Variants in ADAMTS19 observed in about 807,000 individuals in gnomAD.
ADAMTS19 encodes A disintegrin and metalloproteinase with thrombospondin motifs 19.
A neutral mutation model predicts 153.3 loss-of-function variants in ADAMTS19; 93 were observed. The observed-to-expected ratio is 0.61, with a 90% CI of 0.51 to 0.72. The LOEUF is 0.72. Among genes scored for constraint, ADAMTS19 ranks in the 30% least tolerant of loss-of-function variants. The probability of loss-of-function intolerance (pLI) is 0.00; values close to 1 mark genes in which losing one functional copy is unlikely to be tolerated. For synonymous variants in ADAMTS19, 600 were observed against 556.6 expected (o/e 1.08, Z -1.10); for missense variants, 1,482 against 1,552.1 (o/e 0.95, Z 0.76).
At chr5:129,649,686 G>A (rs969034463) in intron 13 of ADAMTS19, among the ~76,000 whole-genome samples, 2 of 152,170 alleles carry the variant, frequency 1.3e-5, no homozygotes, top group African/African-American at 4.8e-5. Context: ...GTGATAAAAT[G>A]GCGTACAGCT....
At chr5:129,495,004 T>C (rs1203588854) in intron 2 of ADAMTS19, among the ~76,000 whole-genome samples, 2 of 152,184 alleles carry the variant, frequency 1.3e-5, no homozygotes, top group East Asian at 1.9e-4. Flanking sequence ...AGAAAGATAA[T>C]TGGCTTTGGG....
At chr5:129,579,848 A>G (rs1581107776) in intron 7 of ADAMTS19, among the ~76,000 whole-genome samples, 1 of 152,118 alleles carries the variant, frequency 6.6e-6, no homozygotes. Flanking sequence ...GCCTTCTAGT[A>G]TAGTTTGAAG....
chr5:129,605,996 A>T (rs185441366), intron 8 of ADAMTS19, among the ~76,000 whole-genome samples: 1 of 152,172 alleles, frequency 6.6e-6, no homozygotes, highest in African/African-American at 2.4e-5. Flanking sequence ...TGAACCAGAG[A>T]AAAAGGTCTA....
chr5:129,518,364 C>T (rs1751683114), intron 3 of ADAMTS19, among the ~76,000 whole-genome samples: 1 of 152,034 alleles, frequency 6.6e-6, no homozygotes, highest in Admixed American at 6.6e-5. Context: ...CCTCCTTAAG[C>T]ATTTTTTGTA....
At chr5:129,580,327 G>C (rs935754752) in intron 7 of ADAMTS19, among the ~76,000 whole-genome samples, 1 of 152,186 alleles carries the variant, frequency 6.6e-6, no homozygotes, top group Non-Finnish European at 1.5e-5. Context: ...ACCTTAAGGA[G>C]ATTTTGGGCT....
intron 2 of ADAMTS19, among the ~76,000 whole-genome samples, chr5:129,505,762 C>T (rs938226422): frequency 1.3e-5 from 2 of 151,962 alleles, no homozygotes; most frequent in Admixed American, 1.3e-4. Context: ...GAACAGATGT[C>T]ATCATATAAG....
chr5:129,485,543 A>G (rs1011777460), intron 2 of ADAMTS19, among the ~76,000 whole-genome samples: 4 of 152,134 alleles, frequency 2.6e-5, no homozygotes, highest in Non-Finnish European at 5.9e-5. Flanking sequence ...GTAATGAACA[A>G]TAAAACTGAT....
chr5:129,493,046 A>G (rs889674123), intron 2 of ADAMTS19, among the ~76,000 whole-genome samples: 1 of 152,170 alleles, frequency 6.6e-6, no homozygotes, highest in African/African-American at 2.4e-5. Context: ...ATTTCATAAA[A>G]CAAACAAAGG....
intron 20 of ADAMTS19, among the ~76,000 whole-genome samples, chr5:129,703,755 A>T (rs1228422936): frequency 6.6e-6 from 1 of 152,140 alleles, no homozygotes; most frequent in Admixed American, 6.5e-5. Context: ...TCTGAATTTT[A>T]TTTTTGCTAA....
intron 2 of ADAMTS19, among the ~76,000 whole-genome samples, chr5:129,488,614 A>G (rs549679010): frequency 1.3e-5 from 2 of 152,232 alleles, no homozygotes; most frequent in African/African-American, 4.8e-5. Context: ...AGCCAATAGA[A>G]AATAATTCTG....
chr5:129,658,548 T>A (rs1388328482), intron 14 of ADAMTS19, 69 bp from the exon 15 acceptor site: 2 of 1,528,354 alleles, frequency 1.3e-6, no homozygotes, highest in Non-Finnish European at 1.8e-6. Flanking sequence ...ACTAGGTTTG[T>A]CCCAAATTAG....
intron 6 of ADAMTS19, among the ~76,000 whole-genome samples, chr5:129,547,629 C>T (rs1415730727): frequency 1.3e-5 from 2 of 150,506 alleles, no homozygotes; most frequent in Admixed American, 6.6e-5. Context: ...AATGCCATCC[C>T]CATCAAGCTA....
At chr5:129,630,868 G>A (rs954798663) in intron 10 of ADAMTS19, among the ~76,000 whole-genome samples, 17 of 151,840 alleles carry the variant, frequency 1.1e-4, no homozygotes, top group Admixed American at 2.0e-4. Context: ...TATAATCCCT[G>A]TAATAGTAAT....
intron 8 of ADAMTS19, among the ~76,000 whole-genome samples, chr5:129,615,907 TCTTA>T (rs1312968498): frequency 2.0e-5 from 3 of 151,934 alleles, no homozygotes; most frequent in Admixed American, 6.6e-5. Flanking sequence ...AGGAACTGAG[TCTTA>T]CTTATCTTTT....
intron 7 of ADAMTS19, among the ~76,000 whole-genome samples, chr5:129,583,285 A>T (rs1749616380): frequency 6.6e-6 from 1 of 152,178 alleles, no homozygotes; most frequent in African/African-American, 2.4e-5. Flanking sequence ...ATCTGGTATT[A>T]GTCTGATGGG....
At chr5:129,548,943 A>T (rs528644181) in intron 6 of ADAMTS19, among the ~76,000 whole-genome samples, 61 of 147,216 alleles carry the variant, frequency 4.1e-4, no homozygotes, top group African/African-American at 1.2e-3. Context: ...ACCAAACAGC[A>T]CATGTTCTCA....
chr5:129,584,911 T>C lies in ADAMTS19; in HGVS notation c.1373-11648T>C, dbSNP rs769275962. 1.8e-4 allele frequency among the ~76,000 whole-genome samples: 27 copies of C among 152,314 alleles called. 1 individual carries two copies. Among genetic ancestry groups the C allele is most frequent in the Admixed American group, 5.2e-4 (8 of 15,300 alleles). On this transcript the variant is annotated intron_variant, in intron 7 of 22. Transcript: ENST00000274487. ...CCCCTTTCCAGGGAGTGATTCGTTC[T>C]GTCTTGCTGGTATTCCAGGTGCCAC...
intron 21 of ADAMTS19, among the ~76,000 whole-genome samples, chr5:129,728,239 G>A (rs181032520): frequency 5.3e-5 from 8 of 152,124 alleles, no homozygotes; most frequent in Non-Finnish European, 8.8e-5. Flanking sequence ...CCTCTGTCCC[G>A]GAAAATTCAT....
intron 6 of ADAMTS19, among the ~76,000 whole-genome samples, chr5:129,542,095 T>C (rs915370912): frequency 8.5e-5 from 13 of 152,092 alleles, no homozygotes; most frequent in African/African-American, 3.1e-4. Flanking sequence ...TTTGCCTAAG[T>C]TGAGCAACAG....
Sources: allele counts gnomAD v4.1 joint callset (sites outside exome capture counted in the v4.1 genomes callset), GRCh38; gene constraint gnomAD v4.1.1; transcripts MANE v1.5; gene names NCBI Gene and HGNC (gene_info 2026-07-23, HGNC 2026-07-21).